The following FBXL18 variants were observed in gnomAD, a reference collection of about 807,000 sequenced individuals.
FBXL18 encodes F-box and leucine rich repeat protein 18.
Under a neutral mutation model 46.0 loss-of-function variants are expected in FBXL18, and 36 were observed. That is an observed-to-expected ratio of 0.78 (90% CI 0.60 to 1.03). FBXL18 has a LOEUF of 1.03. FBXL18 is among the 50% of genes least tolerant of loss of function. FBXL18 has a pLI of 0.00. For missense variants in FBXL18, 977 were observed against 1,004.1 expected, an observed-to-expected ratio of 0.97 and a Z score of 0.36; for synonymous variants, 557 against 465.3, an observed-to-expected ratio of 1.20 and a Z score of -2.54.
Position 5,500,969 on chromosome 7 carries a change from G to T in FBXL18, c.1300C>A (p.Arg434Ser). Residue 434 changes from arginine (R) to serine (S), a missense_variant, in exon 3 of 5, where the codon CGC (arginine) becomes AGC (serine). Transcript: ENST00000382368. ...TGCATGGCCGGCTGGGCGGGCGCGC[G>T]GTCGGCGCGCGGCGCGGAGTCAGCG... ...SVADSAPRAD[R>S]APAQPAMHAV... The T allele has an allele frequency of 6.5e-7, 1 of 1,537,168 alleles. No individual in the cohort carries two copies.
intron 3 of FBXL18, among the ~76,000 whole-genome samples, chr7:5,494,294 C>T (rs1257864995): frequency 6.6e-6 from 1 of 151,100 alleles, no homozygotes; most frequent in Non-Finnish European, 1.5e-5. Context: ...AAAAAATTAG[C>T]TGGGCGTGGC....
intron 4 of FBXL18, among the ~76,000 whole-genome samples, chr7:5,468,446 A>G (rs1783379438): frequency 6.6e-6 from 1 of 152,152 alleles, no homozygotes; most frequent in African/African-American, 2.4e-5. Flanking sequence ...AGCCTAGAAC[A>G]AAGGCTGGAA....
chr7:5,463,704 A>ATATATATATATATATATATATTT (rs1562672177), intron 4 of FBXL18, among the ~76,000 whole-genome samples: 2 of 43,986 alleles, frequency 4.5e-5, no homozygotes, highest in Non-Finnish European at 7.9e-5. Flanking sequence ...CTATATATAT[A>ATATATATATATATATATATATTT]TTTATTTATT....
At chr7:5,467,955 C>T (rs900855051) in intron 4 of FBXL18, among the ~76,000 whole-genome samples, 1 of 151,956 alleles carries the variant, frequency 6.6e-6, no homozygotes, top group Non-Finnish European at 1.5e-5. Flanking sequence ...AAAGCAGGAC[C>T]CGAAATCCAA....
chr7:5,499,731 CAAAAAAAAAAAAAGAAA>C (rs1784179962), intron 3 of FBXL18, among the ~76,000 whole-genome samples: 1 of 115,816 alleles, frequency 8.6e-6, no homozygotes, highest in South Asian at 2.9e-4. Context: ...GACTCTGTCT[CAAAAAAAAAAAAAGAAA>C]AAAAAAAAAA....
At chr7:5,490,213 C>A (rs1291995225) in intron 4 of FBXL18, 1 of 1,338,580 alleles carries the variant, frequency 7.5e-7, no homozygotes, top group South Asian at 1.2e-5. Context: ...CTCTCCCCAC[C>A]TGCAGGGACA....
chr7:5,470,977 A>G (rs908616316), downstream of FBXL18, among the ~76,000 whole-genome samples: 1 of 152,094 alleles, frequency 6.6e-6, no homozygotes, highest in Non-Finnish European at 1.5e-5. Context: ...CGTGCAGAGC[A>G]GAGGCCCAGC....
chr7:5,497,200 T>TA (rs1031311099), intron 3 of FBXL18, among the ~76,000 whole-genome samples: 43 of 147,180 alleles, frequency 2.9e-4, no homozygotes, highest in Middle Eastern at 3.5e-3. Context: ...AGACCATTTT[T>TA]AAAAAAAAAA....
At chr7:5,483,167 G>A (rs1432865954) in intron 4 of FBXL18, among the ~76,000 whole-genome samples, 8 of 152,112 alleles carry the variant, frequency 5.3e-5, no homozygotes, top group East Asian at 3.8e-4. Context: ...CAGGACGGGC[G>A]CAGTGACTCA....
At chr7:5,469,985 T>C (rs1317996684) in intron 4 of FBXL18, among the ~76,000 whole-genome samples, 1 of 152,092 alleles carries the variant, frequency 6.6e-6, no homozygotes, top group Non-Finnish European at 1.5e-5. Flanking sequence ...GGCATGTGAT[T>C]GTCAGAGTGT....
At chr7:5,475,653 CCT>C (rs1236519567), downstream of FBXL18, among the ~76,000 whole-genome samples, 12 of 152,332 alleles carry the variant, frequency 7.9e-5, no homozygotes, top group East Asian at 2.1e-3. The surrounding 1 kb of genome is among the most constrained non-coding windows in gnomAD (Gnocchi z 4.2). Flanking sequence ...CATCCACACA[CCT>C]CTGTTTCAGA....
chr7:5,460,784 C>T (rs1046528067), intron 4 of FBXL18, among the ~76,000 whole-genome samples: 12 of 152,126 alleles, frequency 7.9e-5, no homozygotes, highest in Non-Finnish European at 1.6e-4. Flanking sequence ...AGGCTTGGGA[C>T]GTGCACCCGG....
rs1783646438 is a variant in FBXL18, at chr7:5,481,576, A to C, written c.*199T>G. The stretch of plus-strand genomic sequence containing the variant: ...AGCCCCCTCATGTCACCCAGAACGC[A>C]TCCCCTCGACCTAAACTTCACAGAG... On this transcript the variant is annotated 3_prime_UTR_variant, in exon 5 of 5. Transcript: ENST00000382368. The C allele has an allele frequency of 5.3e-6, 3 of 569,796 alleles. No homozygotes were observed. Among genetic ancestry groups the C allele is most frequent in the Non-Finnish European group, 3.1e-6 (1 of 323,748 alleles). The allele number at this position is 569,796 out of a possible 1,614,324, so 35.3% of individuals were successfully genotyped here.
At chr7:5,488,087 A>G (rs977216826) in intron 4 of FBXL18, among the ~76,000 whole-genome samples, 4 of 152,244 alleles carry the variant, frequency 2.6e-5, no homozygotes, top group Admixed American at 1.3e-4. Flanking sequence ...GCTGTGGAGC[A>G]CCAGCCTTCA....
At chr7:5,499,556 C>A (rs1258868128) in intron 3 of FBXL18, among the ~76,000 whole-genome samples, 1 of 151,822 alleles carries the variant, frequency 6.6e-6, no homozygotes, top group Non-Finnish European at 1.5e-5. Context: ...CTGCAAAACC[C>A]CGTCTCTACT....
intron 3 of FBXL18, among the ~76,000 whole-genome samples, chr7:5,493,165 G>A (rs2128235981): frequency 6.6e-6 from 1 of 152,280 alleles, no homozygotes; most frequent in African/African-American, 2.4e-5. Context: ...TGAGAGCCCA[G>A]CTCTACAAAA....
In FBXL18 at chr7:5,509,634, G is replaced by A. The variant is rs912265932; in HGVS notation, c.19-4004C>T. ...GAAGAATCGCTTGAACCTGGGAGGTGGAGTTTGCAGTGAGCTCAGATTGTG... is the reference window on the plus strand; with the variant it reads ...GAAGAATCGCTTGAACCTGGGAGGTAGAGTTTGCAGTGAGCTCAGATTGTG... On this transcript the variant is annotated intron_variant, in intron 1 of 4. Transcript: ENST00000382368. Among the ~76,000 whole-genome samples the A allele has an allele frequency of 1.1e-4, 16 of 149,546 alleles. No homozygotes were observed. In the Admixed American group the frequency reaches 1.1e-3, roughly 10 times the overall value.
chr7:5,482,307 C>T (rs893243786), intron 4 of FBXL18, among the ~76,000 whole-genome samples: 1 of 152,178 alleles, frequency 6.6e-6, no homozygotes, highest in Non-Finnish European at 1.5e-5. Context: ...CCCTGGCCCA[C>T]GGAAGCCCCA....
chr7:5,460,332 A>C (rs1025140722), intron 4 of FBXL18, among the ~76,000 whole-genome samples: 1 of 152,240 alleles, frequency 6.6e-6, no homozygotes, highest in Non-Finnish European at 1.5e-5. Flanking sequence ...TGTGAAATTT[A>C]ATATAATCAT....
Sources: gnomAD v4.1 joint callset for allele counts (sites outside exome capture counted in the v4.1 genomes callset) on GRCh38, gnomAD v4.1.1 for gene constraint, Gnocchi (gnomAD v3.1) non-coding constraint, MANE v1.5 for transcripts, NCBI Gene and HGNC (gene_info 2026-07-23, HGNC 2026-07-21) for gene names.